Variants in PDK3 observed in about 807,000 individuals in gnomAD.
The protein encoded by PDK3 is pyruvate dehydrogenase kinase, isozyme 3.
A neutral mutation model predicts 32.0 loss-of-function variants in PDK3; 12 were observed. The ratio of observed to expected loss-of-function variants is 0.37; its 90% confidence interval spans 0.24 to 0.61. The LOEUF (loss-of-function observed/expected upper bound fraction) is 0.61. Ranked by LOEUF, PDK3 falls within the 20% of genes least tolerant of loss-of-function variation. PDK3 has a pLI of 0.65. For synonymous variants in PDK3, 122 were observed against 116.3 expected (o/e 1.05, Z -0.31); for missense variants, 188 against 316.9 (o/e 0.59, Z 3.09).
downstream of PDK3, among the ~76,000 whole-genome samples, chrX:24,536,202 T>C (rs1443977369): frequency 1.8e-5 from 2 of 111,580 alleles, no homozygotes; most frequent in East Asian, 5.6e-4. Context: ...TGAGTTATAG[T>C]TATTTTTCCC....
intron 1 of PDK3, among the ~76,000 whole-genome samples, chrX:24,488,486 C>T (rs755580636): frequency 2.7e-5 from 3 of 111,743 alleles, no homozygotes; most frequent in Admixed American, 9.5e-5. Flanking sequence ...GTCAGGAGTT[C>T]GAGACCAACC....
chrX:24,523,356 G>A lies in PDK3; in HGVS notation c.674-2842G>A, dbSNP rs776395005. ...TGGGGGAGACACACACAAACATTCC[G>A]TCCATAAGAGGCATGAATCCCAACT... On this transcript the variant is annotated intron_variant, in intron 6 of 10. Transcript: ENST00000379162. Among the ~76,000 whole-genome samples the A allele has an allele frequency of 2.7e-4, 30 of 112,487 alleles. No homozygotes were observed. In the East Asian group the frequency reaches 4.2e-3, roughly 16 times the overall value.
At chrX:24,510,781 A>C (rs1279856363) in intron 5 of PDK3, among the ~76,000 whole-genome samples, 1 of 111,874 alleles carries the variant, frequency 8.9e-6, no homozygotes, top group Non-Finnish European at 1.9e-5. Flanking sequence ...CCAAGTGTGC[A>C]TAACCTTTAT....
intron 1 of PDK3, among the ~76,000 whole-genome samples, chrX:24,476,473 C>T (rs7054327): frequency 0.44 from 48,296 of 110,134 alleles, 8,346 homozygotes; most frequent in African/African-American, 0.65. Context: ...GTAAGAGACT[C>T]GAGTATCCAT....
exon 12 of PDK3, among the ~76,000 whole-genome samples, chrX:24,542,868 A>G (rs1922920052): frequency 8.9e-6 from 1 of 112,300 alleles, no homozygotes; most frequent in African/African-American, 3.2e-5. Context: ...ATATTTACAA[A>G]TGTATTCCTG....
In PDK3 at chrX:24,471,162, C is replaced by T. The variant is rs765305712; in HGVS notation, c.106+5601C>T. Among the ~76,000 whole-genome samples, 126 of 111,139 alleles carry T rather than the reference C, an allele frequency of 1.1e-3. 2 individuals carry two copies. Among genetic ancestry groups the T allele is most frequent in the Non-Finnish European group, 2.8e-4 (15 of 53,006 alleles). ...GGCACGTGTATACCTATGTAACAAA[C>T]CTGCACGTTCTGCACATGTACCCCA... On this transcript the variant is annotated intron_variant, in intron 1 of 10. Transcript: ENST00000379162.
At chrX:24,516,729 A>C (rs1922262535) in intron 5 of PDK3, among the ~76,000 whole-genome samples, 1 of 111,141 alleles carries the variant, frequency 9.0e-6, no homozygotes, top group Non-Finnish European at 1.9e-5. Flanking sequence ...AGTGATGAAT[A>C]TGTAAACTTG....
intron 3 of PDK3, among the ~76,000 whole-genome samples, chrX:24,500,499 A>T (rs1921828666): frequency 1.8e-5 from 2 of 112,240 alleles, no homozygotes; most frequent in South Asian, 3.7e-4. Context: ...GGAACAGGTT[A>T]TCCGATGTGA....
rs1028320278 is a variant in PDK3, at chrX:24,465,346, C to T, written c.-110C>T. The T allele has an allele frequency of 1.9e-5, 9 of 479,652 alleles. No individual in the cohort carries two copies. The highest frequency in any genetic ancestry group is 2.9e-5 in the Non-Finnish European group (9 of 311,589). The allele number at this position is 479,652 out of a possible 1,213,427, so 39.5% of individuals were successfully genotyped here. On this transcript the variant is annotated 5_prime_UTR_variant, in exon 1 of 11. Coordinates refer to ENST00000379162, the MANE Select transcript of PDK3 (RefSeq NM_005391.5). Reference sequence around the variant, plus strand: ...GCACCGGCGGCGCCGAGGCCGAGATCGAGGCCGGGGTGCGCGCTTCGCAAA... The same window carrying T: ...GCACCGGCGGCGCCGAGGCCGAGATTGAGGCCGGGGTGCGCGCTTCGCAAA...
At chrX:24,534,926 C>T (rs1292868817), downstream of PDK3, among the ~76,000 whole-genome samples, 1 of 112,033 alleles carries the variant, frequency 8.9e-6, no homozygotes, top group East Asian at 2.8e-4. Context: ...CCACTGCACA[C>T]CAGCCTGGGG....
intron 5 of PDK3, among the ~76,000 whole-genome samples, chrX:24,509,758 C>T (rs896789517): frequency 2.7e-5 from 3 of 111,412 alleles, no homozygotes; most frequent in African/African-American, 9.8e-5. Flanking sequence ...CCTTCATAAA[C>T]GATGCATACC....
chrX:24,521,091 CA>C (rs1361658502), intron 6 of PDK3, among the ~76,000 whole-genome samples: 1 of 109,626 alleles, frequency 9.1e-6, no homozygotes, highest in Admixed American at 9.8e-5. Flanking sequence ...CCAGCCTGGG[CA>C]AGGTAGCAAA....
chrX:24,478,205 G>A (rs1355923048), intron 1 of PDK3, among the ~76,000 whole-genome samples: 1 of 111,461 alleles, frequency 9.0e-6, no homozygotes, highest in Non-Finnish European at 1.9e-5. Context: ...AGCACTTTGG[G>A]AGGACAAGGT....
At chrX:24,538,767 C>A (rs1344659338), downstream of PDK3, among the ~76,000 whole-genome samples, 1 of 111,422 alleles carries the variant, frequency 9.0e-6, no homozygotes, top group Non-Finnish European at 1.9e-5. Flanking sequence ...GAGCGAGACT[C>A]CATCTCAATA....
At chrX:24,505,187 C>T in intron 4 of PDK3, 22 bp from the exon 5 acceptor site, 1 of 1,153,004 alleles carries the variant, frequency 8.7e-7, no homozygotes, top group Non-Finnish European at 1.2e-6. Context: ...AATCCCCTCC[C>T]TTTCCTTTTG....
intron 6 of PDK3, among the ~76,000 whole-genome samples, chrX:24,525,404 G>A (rs890190195): frequency 4.5e-5 from 5 of 111,516 alleles, no homozygotes; most frequent in Non-Finnish European, 9.4e-5. Flanking sequence ...TAAGAATCAA[G>A]CAAATGTGAA....
At chrX:24,484,499 C>T (rs1921348562) in intron 1 of PDK3, among the ~76,000 whole-genome samples, 1 of 112,175 alleles carries the variant, frequency 8.9e-6, no homozygotes, top group African/African-American at 3.2e-5. Context: ...CTTGCTTTGG[C>T]TTTGTTATAC....
intron 3 of PDK3, among the ~76,000 whole-genome samples, chrX:24,501,735 A>G (rs143878785): frequency 2.3e-3 from 260 of 111,903 alleles, no homozygotes; most frequent in African/African-American, 7.9e-3. Flanking sequence ...CAAACAAACA[A>G]ACAGCTGTTC....
chrX:24,508,125 G>C (rs1419548050), intron 5 of PDK3, among the ~76,000 whole-genome samples: 2 of 112,002 alleles, frequency 1.8e-5, no homozygotes, highest in Non-Finnish European at 3.8e-5. Context: ...CAAGAGGCAT[G>C]GCTTGGGAGT....
Sources: gnomAD v4.1 joint callset for allele counts (sites outside exome capture counted in the v4.1 genomes callset) on GRCh38, gnomAD v4.1.1 for gene constraint, MANE v1.5 for transcripts, NCBI Gene and HGNC (gene_info 2026-07-23, HGNC 2026-07-21) for gene names.